SSBP3: variants seen among roughly 807,000 people sequenced by gnomAD.
SSBP3 encodes the protein single-stranded DNA-binding protein 3.
SSBP3 carries 5 observed loss-of-function variants against 69.6 expected under a neutral mutation model. The observed-to-expected ratio is 0.07, with a 90% CI of 0.04 to 0.15. The LOEUF (loss-of-function observed/expected upper bound fraction) is 0.15. Ranked by LOEUF, SSBP3 falls within the 10% of genes least tolerant of loss-of-function variation. The pLI is 1.00. For missense variants in SSBP3, 312 were observed against 534.0 expected, an observed-to-expected ratio of 0.58 and a Z score of 4.10; for synonymous variants, 196 against 193.4, an observed-to-expected ratio of 1.01 and a Z score of -0.11.
intron 4 of SSBP3, among the ~76,000 whole-genome samples, chr1:54,329,105 G>A (rs1414957380): frequency 1.3e-5 from 2 of 152,198 alleles, no homozygotes; most frequent in Non-Finnish European, 2.9e-5. Context: ...GAAAAGAAAT[G>A]CATCTCCTGG....
chr1:54,229,091 C>A (rs1417256677), intron 14 of SSBP3, among the ~76,000 whole-genome samples: 1 of 152,254 alleles, frequency 6.6e-6, no homozygotes, highest in African/African-American at 2.4e-5. Context: ...CACACAGAGG[C>A]ACCTCTGAAA....
chr1:54,226,188 G>GAGGAGGGGC (rs1427943353), exon 18 of SSBP3: 4 of 153,000 alleles, frequency 2.6e-5, no homozygotes, highest in Non-Finnish European at 2.9e-5. Context: ...GGTGGGGGCA[G>GAGGAGGGGC]AGGAGGGGCT....
At position 54,334,351 on chromosome 1, in the gene SSBP3, C is replaced by CAATAAATAAATA. The variant is rs35538469; in HGVS notation, c.277-52836_277-52825dup. Among the ~76,000 whole-genome samples, 181 of 150,528 alleles carry CAATAAATAAATA rather than the reference C, an allele frequency of 1.2e-3. 1 individual carries two copies. The highest frequency in any genetic ancestry group is 4.0e-3 in the African/African-American group (161 of 40,466). On this transcript the variant is annotated intron_variant, in intron 4 of 17. Coordinates refer to ENST00000610401, the Ensembl canonical transcript of SSBP3. ...TGGGCAACAGAGCAAGACTCCCTCTCAATAAATAAATAAATAAATAAATTT... is the reference window on the plus strand; with the variant it reads ...TGGGCAACAGAGCAAGACTCCCTCTCAATAAATAAATAAATAAATAAATAAATAAATAAATTT...
intron 4 of SSBP3, among the ~76,000 whole-genome samples, chr1:54,342,416 T>A (rs879853683): frequency 2.2e-4 from 34 of 152,182 alleles, no homozygotes; most frequent in Admixed American, 2.0e-4. Context: ...CCCTCTTAGC[T>A]CTTCCTCTAC....
rs558561090 is a variant in SSBP3 at position 54,346,564 on chromosome 1, C to T, written c.276+55297G>A. ...GCGCGGTGGCTCACACCTGTAATCC[C>T]AACACTTTGGGAGGCCAAGGCGGGT... On this transcript the variant is annotated intron_variant, in intron 4 of 17. Transcript: ENST00000610401. 3.8e-4 allele frequency among the ~76,000 whole-genome samples: 58 copies of T among 152,126 alleles called. 1 individual carries two copies. The highest frequency in any genetic ancestry group is 1.4e-3 in the African/African-American group (57 of 41,524).
chr1:54,379,412 T>C (rs1647444338), intron 4 of SSBP3, among the ~76,000 whole-genome samples: 1 of 152,182 alleles, frequency 6.6e-6, no homozygotes, highest in African/African-American at 2.4e-5. Context: ...GCAATAAACA[T>C]GGCAAAATCT....
At chr1:54,305,660 A>G (rs1401159857) in intron 4 of SSBP3, among the ~76,000 whole-genome samples, 1 of 149,618 alleles carries the variant, frequency 6.7e-6, no homozygotes, top group African/African-American at 2.5e-5. Flanking sequence ...ACGAGGTCTC[A>G]TTATGTTGCC....
At chr1:54,245,769 G>A (rs1296774332) in intron 9 of SSBP3, among the ~76,000 whole-genome samples, 1 of 152,250 alleles carries the variant, frequency 6.6e-6, no homozygotes, top group Non-Finnish European at 1.5e-5. Context: ...ACCACAGGGT[G>A]AAGAGCAGAA....
chr1:54,294,175 G>T (rs933798811), intron 4 of SSBP3, among the ~76,000 whole-genome samples: 4 of 83,166 alleles, frequency 4.8e-5, no homozygotes, highest in East Asian at 3.2e-4. Flanking sequence ...AAGAAAGAAA[G>T]AAAGAAAGAA....
chr1:54,387,883 G>A (rs564270163), intron 4 of SSBP3, among the ~76,000 whole-genome samples: 23 of 152,152 alleles, frequency 1.5e-4, no homozygotes, highest in Non-Finnish European at 2.6e-4. Context: ...GCAAGGCCCC[G>A]AGCCAGAACA....
chr1:54,271,881 T>C (rs996370318), intron 5 of SSBP3, among the ~76,000 whole-genome samples: 4 of 152,208 alleles, frequency 2.6e-5, no homozygotes, highest in African/African-American at 9.6e-5. Context: ...GCGATTCTCT[T>C]GCCTCAGCCT....
At chr1:54,369,968 T>A (rs1453428668) in intron 4 of SSBP3, among the ~76,000 whole-genome samples, 1 of 152,090 alleles carries the variant, frequency 6.6e-6, no homozygotes, top group African/African-American at 2.4e-5. Context: ...CCAAGAGAAA[T>A]CAAAATGTGG....
intron 4 of SSBP3, among the ~76,000 whole-genome samples, chr1:54,291,629 G>A (rs1260124050): frequency 2.0e-5 from 3 of 152,250 alleles, no homozygotes; most frequent in South Asian, 2.1e-4. Context: ...GATGCAAGCT[G>A]TTGGCTTTAG....
chr1:54,333,426 CTCA>C (rs552580784), intron 4 of SSBP3, among the ~76,000 whole-genome samples: 195 of 152,292 alleles, frequency 1.3e-3, no homozygotes, highest in African/African-American at 4.4e-3. Flanking sequence ...CGTCAGATTT[CTCA>C]CCACCCCAAC....
intron 4 of SSBP3, among the ~76,000 whole-genome samples, chr1:54,349,714 G>A (rs1302176662): frequency 8.0e-6 from 1 of 125,402 alleles, no homozygotes; most frequent in Middle Eastern, 3.5e-3. Flanking sequence ...AGTGTGGATG[G>A]GCCAAAAAAA....
At chr1:54,238,977 C>T in intron 14 of SSBP3, 152 bp downstream of exon 14, 1 of 535,060 alleles carries the variant, frequency 1.9e-6, no homozygotes, top group Non-Finnish European at 3.4e-6. Flanking sequence ...AACTGAGTTG[C>T]CCAAGAGTTA....
chr1:54,340,905 C>T (rs1385373778), intron 4 of SSBP3, among the ~76,000 whole-genome samples: 1 of 152,256 alleles, frequency 6.6e-6, no homozygotes, highest in Non-Finnish European at 1.5e-5. Flanking sequence ...CATTCCACTC[C>T]ACCCTGCTGG....
chr1:54,290,667 T>C (rs1645588207), intron 4 of SSBP3, among the ~76,000 whole-genome samples: 1 of 152,168 alleles, frequency 6.6e-6, no homozygotes, highest in Non-Finnish European at 1.5e-5. Context: ...GAGCCCCATG[T>C]ATTTAATAAT....
chr1:54,265,774 A>G (rs1368921805), intron 5 of SSBP3, among the ~76,000 whole-genome samples: 3 of 152,222 alleles, frequency 2.0e-5, no homozygotes, highest in African/African-American at 7.2e-5. Context: ...TGCAAAGGTG[A>G]GCAAATGGTT....
Sources: gnomAD v4.1 joint callset for allele counts (sites outside exome capture counted in the v4.1 genomes callset) on GRCh38, gnomAD v4.1.1 for gene constraint, MANE v1.5 for transcripts, NCBI Gene and HGNC (gene_info 2026-07-23, HGNC 2026-07-21) for gene names.